Variants in BRAT1 observed in about 807,000 individuals in gnomAD.
BRAT1 encodes the protein BRCA1 associated ATM activator 1.
BRAT1 carries 74 observed loss-of-function variants against 70.6 expected under a neutral mutation model. That is an observed-to-expected ratio of 1.05 (90% CI 0.87 to 1.27). The LOEUF (loss-of-function observed/expected upper bound fraction) is 1.27. Ranked by LOEUF, BRAT1 falls within the 50% of genes most tolerant of loss-of-function variation. BRAT1 has a pLI of 0.00. For missense variants in BRAT1, 1,203 were observed against 1,098.2 expected (o/e 1.10, Z -1.35); for synonymous variants, 615 against 517.1 (o/e 1.19, Z -2.57).
Position 2,543,446 on chromosome 7 carries a change from G to T in BRAT1, c.804-123C>A. On this transcript the variant is annotated intron_variant, in intron 5 of 13. Transcript: ENST00000340611. This position sits in a 1 kb window ranked among gnomAD's most constrained non-coding sequence, Gnocchi z 5.5. ...CAGCCCAAGACAGGCCTTTCCCCATGAGGGTTCCAGGGTCACCCCGGTGCC... is the reference window on the plus strand; with the variant it reads ...CAGCCCAAGACAGGCCTTTCCCCATTAGGGTTCCAGGGTCACCCCGGTGCC... 3.4e-6 allele frequency: 5 copies of T among 1,482,140 alleles called. No homozygotes were observed. The South Asian group carries it at 6.9e-5, about 20-fold the overall frequency. The allele number at this position is 1,482,140 out of a possible 1,614,324, so 91.8% of individuals were successfully genotyped here.
chr7:2,538,111 GGCCA>G lies in BRAT1; in HGVS notation c.2420_2423del (p.Leu807ProfsTer73). On this transcript the variant is annotated frameshift_variant, in exon 14 of 14. Transcript: ENST00000340611. LOFTEE classifies it high-confidence loss of function. Reference sequence around the variant, plus strand: ...CGTCCCCCTGCAGGAAGCCTCCCGTGGCCAGCATGTCCTGCAGGAGGGACTGGGG... The same window carrying G: ...CGTCCCCCTGCAGGAAGCCTCCCGTGGCATGTCCTGCAGGAGGGACTGGGG... The G allele has an allele frequency of 6.3e-7, 1 of 1,593,338 alleles. No individual in the cohort carries two copies.
intron 1 of BRAT1, among the ~76,000 whole-genome samples, chr7:2,554,902 C>T (rs962441758): frequency 3.9e-5 from 6 of 152,256 alleles, no homozygotes; most frequent in African/African-American, 1.4e-4. Context: ...CAAGTGGTGG[C>T]TGCATTTGAC....
intron 3 of BRAT1, among the ~76,000 whole-genome samples, chr7:2,546,032 G>A (rs1161142976): frequency 3.3e-5 from 5 of 152,240 alleles, no homozygotes; most frequent in Non-Finnish European, 5.9e-5. Flanking sequence ...TGGTAGACGG[G>A]CAAGGGCCCT....
chr7:2,542,921 G>GT, intron 6 of BRAT1: 1 of 230,322 alleles, frequency 4.3e-6, no homozygotes, highest in Non-Finnish European at 8.5e-6. Flanking sequence ...GCAGCGGAGC[G>GT]CAGGGCGTCG....
Position 2,538,383 on chromosome 7 carries a change from T to G in BRAT1, c.2152A>C (p.Lys718Gln), listed in dbSNP as rs1778853251. The change falls in exon 14 of 14, where the codon AAG (lysine) becomes CAG (glutamine). Residue 718 changes from lysine (K) to glutamine (Q), a missense_variant. Transcript: ENST00000340611. ...LFDCDRPVAQ[K>Q]SCDLLLFLRD... Reference sequence around the variant, plus strand: ...AGGAAGAGAAGGAGGTCACAAGACTTCTGCGCCACAGGGCGGTCGCAGTCA... The same window carrying G: ...AGGAAGAGAAGGAGGTCACAAGACTGCTGCGCCACAGGGCGGTCGCAGTCA... 1 of 1,613,526 alleles carries G rather than the reference T, an allele frequency of 6.2e-7. No homozygotes were observed. The highest frequency in any genetic ancestry group is 2.2e-5 in the East Asian group (1 of 44,866).
At chr7:2,544,828 C>G in intron 4 of BRAT1, 81 bp downstream of exon 4, 1 of 1,515,918 alleles carries the variant, frequency 6.6e-7, no homozygotes, top group Middle Eastern at 2.3e-4. Flanking sequence ...AGACCAGACA[C>G]TCAGATTCAG....
rs893089185 is a variant in BRAT1, at chr7:2,543,808, G to A, written c.585C>T (p.Ala195=). ...CTTCAACGTGATCCATGATCTTCTGGGCACACGCGGGCCAGTCACCCCCCG... is the reference window on the plus strand; with the variant it reads ...CTTCAACGTGATCCATGATCTTCTGAGCACACGCGGGCCAGTCACCCCCCG... ...CLPGGDWPAC[A]QKIMDHVEES... The change falls in exon 5 of 14, where the codon GCC becomes GCT. Residue 195 remains alanine, a synonymous_variant. Transcript: ENST00000340611. This position sits in a 1 kb window ranked among gnomAD's most constrained non-coding sequence, Gnocchi z 5.5. 2.7e-5 allele frequency: 43 copies of A among 1,612,684 alleles called. No individual in the cohort carries two copies. The highest frequency in any genetic ancestry group is 9.3e-5 in the African/African-American group (7 of 74,884).
intron 2 of BRAT1, among the ~76,000 whole-genome samples, chr7:2,552,544 G>A (rs1415889189): frequency 2.0e-5 from 3 of 150,998 alleles, no homozygotes; most frequent in Non-Finnish European, 4.4e-5. Flanking sequence ...TGGGCAATAC[G>A]GTGAGACCCC....
intron 2 of BRAT1, among the ~76,000 whole-genome samples, chr7:2,553,678 C>G (rs1244240752): frequency 2.0e-5 from 3 of 151,538 alleles, no homozygotes; most frequent in Non-Finnish European, 2.9e-5. Context: ...GGGTCTCACT[C>G]TATCACCCAG....
In BRAT1 at chr7:2,538,397, C is replaced by A. The variant is rs1378548122; in HGVS notation, c.2138G>T (p.Arg713Leu). Residue 713 changes from arginine to leucine, a missense_variant, in exon 14 of 14, where the codon CGC becomes CTC. Transcript: ENST00000340611. ...GTCACAAGACTTCTGCGCCACAGGG[C>A]GGTCGCAGTCAAACAAGGCACAAAA... is the stretch of plus-strand genomic sequence containing the variant. ...FAFCALFDCD[R>L]PVAQKSCDLL... The A allele has an allele frequency of 1.2e-6, 2 of 1,613,542 alleles. No individual in the cohort carries two copies. Among genetic ancestry groups the A allele is most frequent in the Non-Finnish European group, 1.7e-6 (2 of 1,179,964 alleles).
intron 2 of BRAT1, among the ~76,000 whole-genome samples, chr7:2,551,154 C>T (rs773444686): frequency 3.0e-4 from 46 of 151,356 alleles, no homozygotes; most frequent in Non-Finnish European, 5.6e-4. Context: ...GCAGGAGAAT[C>T]GTTTGAAACC....
At chr7:2,547,277 C>A in intron 3 of BRAT1, 47 bp downstream of exon 3, 1 of 1,603,648 alleles carries the variant, frequency 6.2e-7, no homozygotes, top group Non-Finnish European at 8.5e-7. Context: ...GAGGAAAAGC[C>A]TGCCCACCTC....
intron 10 of BRAT1, chr7:2,540,740 C>G: frequency 2.3e-6 from 1 of 427,160 alleles, no homozygotes; most frequent in East Asian, 3.6e-5. Flanking sequence ...GCCGCCTGAC[C>G]AGTGCCCCTG....
intron 1 of BRAT1, 50 bp from the exon 2 acceptor site, chr7:2,554,497 C>G: frequency 5.8e-6 from 9 of 1,552,278 alleles, no homozygotes; most frequent in Non-Finnish European, 7.8e-6. Context: ...CCAGACCCAG[C>G]TCGCTCTAGT....
chr7:2,554,184 CTGATTGGCAGTTTCTG>C, intron 2 of BRAT1, 105 bp downstream of exon 2: 1 of 1,343,720 alleles, frequency 7.4e-7, no homozygotes, highest in South Asian at 1.5e-5. Context: ...GGAAAGACAT[CTGATTGGCAGTTTCTG>C]CCCTTCCTCC....
chr7:2,539,649 TG>T lies in BRAT1; in HGVS notation c.1499-8del. On this transcript the variant is annotated splice_region_variant and splice_polypyrimidine_tract_variant and intron_variant, in intron 11 of 13. Coordinates refer to ENST00000340611, the MANE Select transcript of BRAT1 (RefSeq NM_152743.4). ...TGCAGCACAGGGAACAGCTCTAGGGTGGGAAGGGACAGGTCAGGGTGACCTT... is the reference window on the plus strand; with the variant it reads ...TGCAGCACAGGGAACAGCTCTAGGGTGGAAGGGACAGGTCAGGGTGACCTT... 6.3e-7 allele frequency: 1 copy of T among 1,586,374 alleles called. No individual in the cohort carries two copies. The highest frequency in any genetic ancestry group is 8.6e-7 in the Non-Finnish European group (1 of 1,165,362).
chr7:2,538,879 G>A, intron 13 of BRAT1, 115 bp from the exon 14 acceptor site: 1 of 1,505,142 alleles, frequency 6.6e-7, no homozygotes, highest in Non-Finnish European at 8.8e-7. Flanking sequence ...TAGGGCCACA[G>A]CCCGCTCTGA....
chr7:2,541,060 A>G lies in BRAT1; in HGVS notation c.1322-8T>C. On this transcript the variant is annotated splice_polypyrimidine_tract_variant and splice_region_variant and intron_variant, in intron 9 of 13. Transcript: ENST00000340611. Reference sequence around the variant, plus strand: ...TCACCAGCTCCTGGGGGCCTGAGACAGAGGTGAGTGGATAAACCACCCCCA... The same window carrying G: ...TCACCAGCTCCTGGGGGCCTGAGACGGAGGTGAGTGGATAAACCACCCCCA... 1 of 1,557,902 alleles carries G rather than the reference A, an allele frequency of 6.4e-7. No individual in the cohort carries two copies. The highest frequency in any genetic ancestry group is 1.2e-5 in the South Asian group (1 of 81,762).
Position 2,545,132 on chromosome 7 carries a change from G to A in BRAT1, c.283-76C>T, listed in dbSNP as rs899752770. The A allele has an allele frequency of 5.2e-5, 73 of 1,400,860 alleles. No individual in the cohort carries two copies. In the South Asian group the frequency reaches 6.2e-4, roughly 12 times the overall value. 86.8% of individuals were successfully genotyped at this position (1,400,860 alleles called of 1,614,324 possible). On this transcript the variant is annotated intron_variant, in intron 3 of 13. Transcript: ENST00000340611. Reference sequence around the variant, plus strand: ...TGTAATCCCAGCACTTTGGGAGGCCGAGGAGGGCAGATCACGAGGTCAGGA... The same window carrying A: ...TGTAATCCCAGCACTTTGGGAGGCCAAGGAGGGCAGATCACGAGGTCAGGA...
Sources: allele counts gnomAD v4.1 joint callset (sites outside exome capture counted in the v4.1 genomes callset), GRCh38; gene constraint gnomAD v4.1.1; non-coding constraint Gnocchi (gnomAD v3.1); transcripts MANE v1.5; gene names NCBI Gene and HGNC (gene_info 2026-07-23, HGNC 2026-07-21).